Variants in SLC4A5 observed in about 807,000 individuals in gnomAD.
SLC4A5 encodes the protein electrogenic sodium bicarbonate cotransporter 4.
In SLC4A5, 96 loss-of-function variants were observed where a neutral mutation model predicts 120.4. That is an observed-to-expected ratio of 0.80 (90% CI 0.68 to 0.94). The LOEUF is 0.94. Among genes scored for constraint, SLC4A5 ranks in the 40% least tolerant of loss-of-function variants. The pLI, the probability that SLC4A5 is intolerant of heterozygous loss-of-function variation, is 0.00. For missense variants in SLC4A5, 1,259 were observed against 1,459.5 expected (o/e 0.86, Z 2.24); for synonymous variants, 550 against 571.1 (o/e 0.96, Z 0.53).
intron 24 of SLC4A5, among the ~76,000 whole-genome samples, chr2:74,231,988 G>A (rs1253926658): frequency 3.9e-5 from 6 of 152,204 alleles, no homozygotes; most frequent in Non-Finnish European, 5.9e-5. Context: ...ACCATGGGGC[G>A]TGAGAGAAGA....
At chr2:74,299,044 T>G (rs1225829941) in intron 7 of SLC4A5, among the ~76,000 whole-genome samples, 2 of 152,164 alleles carry the variant, frequency 1.3e-5, no homozygotes, top group East Asian at 3.9e-4. Flanking sequence ...GTTTTTCCCA[T>G]GTTCTCATGA....
rs145980299 is a variant in SLC4A5, at chr2:74,243,121, T to G, written c.2060-1069A>C. On this transcript the variant is annotated intron_variant, in intron 19 of 30. Coordinates refer to ENST00000394019, the Ensembl canonical transcript of SLC4A5. ...TCTCAGCGGCTCTCTCTGCATTCCT[T>G]GCTGGGTACTTCCCTACCCTGGCCT... Among the ~76,000 whole-genome samples the G allele has an allele frequency of 6.8e-4, 103 of 152,346 alleles. 1 individual carries two copies. In the East Asian group the frequency reaches 0.018, roughly 26 times the overall value.
chr2:74,236,232 C>T (rs923042955), intron 21 of SLC4A5, among the ~76,000 whole-genome samples: 39 of 152,298 alleles, frequency 2.6e-4, no homozygotes, highest in Middle Eastern at 6.8e-3. Context: ...TTTTCATTTA[C>T]TAATTTAAGG....
chr2:74,280,409 C>CT lies in SLC4A5; in HGVS notation c.401+5363dup, dbSNP rs1451219453. On this transcript the variant is annotated intron_variant, in intron 8 of 30. Transcript: ENST00000394019. ...TTATTTGCCTCAGTGTCCAATTAGA[C>CT]TGAGAGCCCAAGAGAGCAGGGGCAG... 8.5e-5 allele frequency among the ~76,000 whole-genome samples: 13 copies of CT among 152,332 alleles called. No homozygotes were observed. In the East Asian group the frequency reaches 2.1e-3, roughly 25 times the overall value.
chr2:74,340,124 TG>T (rs1174857994), intron 2 of SLC4A5, among the ~76,000 whole-genome samples: 2 of 152,326 alleles, frequency 1.3e-5, no homozygotes, highest in African/African-American at 4.8e-5. Context: ...TGGTGATGGT[TG>T]TATTACAGAA....
At chr2:74,315,449 A>G (rs1474653195) in intron 5 of SLC4A5, among the ~76,000 whole-genome samples, 2 of 76,520 alleles carry the variant, frequency 2.6e-5, no homozygotes, top group African/African-American at 6.8e-4. Flanking sequence ...TACGAAAAGA[A>G]AAAAAAAAAA....
chr2:74,258,686 T>C, intron 12 of SLC4A5, among the ~76,000 whole-genome samples: 1 of 152,172 alleles, frequency 6.6e-6, no homozygotes, highest in South Asian at 2.1e-4. Flanking sequence ...ATGAGTAAAA[T>C]GGGAATGAAA....
At chr2:74,274,181 T>C (rs562885709) in intron 8 of SLC4A5, among the ~76,000 whole-genome samples, 16 of 152,232 alleles carry the variant, frequency 1.1e-4, no homozygotes, top group African/African-American at 3.4e-4. Flanking sequence ...CCTTAGAGGA[T>C]GAGGAGCCTG....
intron 7 of SLC4A5, among the ~76,000 whole-genome samples, chr2:74,292,954 A>G (rs981507566): frequency 6.6e-6 from 1 of 152,058 alleles, no homozygotes; most frequent in Non-Finnish European, 1.5e-5. Context: ...ATGTGTACTC[A>G]ATGCATATTT....
At chr2:74,305,106 C>T (rs1264850819) in intron 6 of SLC4A5, among the ~76,000 whole-genome samples, 1 of 152,166 alleles carries the variant, frequency 6.6e-6, no homozygotes, top group African/African-American at 2.4e-5. Flanking sequence ...CAATCAAGGA[C>T]TACATAGACT....
chr2:74,216,278 A>G (rs1694442298), exon 31 of SLC4A5: 1 of 152,246 alleles, frequency 6.6e-6, no homozygotes, highest in Non-Finnish European at 1.5e-5. Flanking sequence ...AATTACAGTT[A>G]CAAGTGGAAA....
chr2:74,267,261 T>C (rs888187695), intron 8 of SLC4A5, among the ~76,000 whole-genome samples: 2 of 152,158 alleles, frequency 1.3e-5, no homozygotes, highest in Non-Finnish European at 2.9e-5. Flanking sequence ...CAACATTCAG[T>C]GTGCATGCCT....
intron 8 of SLC4A5, among the ~76,000 whole-genome samples, chr2:74,279,200 G>A (rs1358953339): frequency 6.6e-6 from 1 of 152,198 alleles, no homozygotes; most frequent in East Asian, 1.9e-4. Context: ...TGCCCTTCAT[G>A]GACAAGCATC....
At chr2:74,233,601 T>C in intron 22 of SLC4A5, 38 bp from the exon 23 acceptor site, 1 of 1,567,776 alleles carries the variant, frequency 6.4e-7, no homozygotes, top group Non-Finnish European at 8.7e-7. Context: ...CTTTCCTCTC[T>C]CCCTTGTCCC....
intron 19 of SLC4A5, among the ~76,000 whole-genome samples, chr2:74,244,516 T>G (rs1405832346): frequency 6.6e-6 from 1 of 151,424 alleles, no homozygotes; most frequent in Non-Finnish European, 1.5e-5. Context: ...TTCTTTCCCC[T>G]TTCTTTCTCT....
At position 74,271,028 on chromosome 2, in the gene SLC4A5, C is replaced by T. The variant is rs144825963; in HGVS notation, c.402-5764G>A. On this transcript the variant is annotated intron_variant, in intron 8 of 30. Coordinates refer to ENST00000394019, the Ensembl canonical transcript of SLC4A5. ...TCCATTTACAGTACATATTCTACTA[C>T]ACCAGTGTGCCTCAAACTCTAATGT... 1.9e-4 allele frequency among the ~76,000 whole-genome samples: 29 copies of T among 152,330 alleles called. 1 individual carries two copies. In the Middle Eastern group the frequency reaches 0.017, roughly 89 times the overall value.
intron 11 of SLC4A5, among the ~76,000 whole-genome samples, chr2:74,260,302 T>C (rs1671095059): frequency 1.3e-5 from 2 of 152,162 alleles, no homozygotes; most frequent in South Asian, 4.1e-4. Context: ...GCTGCTCCTC[T>C]TGGCTCTCCT....
exon 31 of SLC4A5, chr2:74,218,459 G>T (rs1694511850): frequency 6.6e-6 from 1 of 152,198 alleles, no homozygotes; most frequent in African/African-American, 2.4e-5. Flanking sequence ...ACAAAGGGGA[G>T]AGCTTTGCAT....
chr2:74,265,889 T>C (rs558201236), intron 8 of SLC4A5, among the ~76,000 whole-genome samples: 4 of 151,984 alleles, frequency 2.6e-5, no homozygotes, highest in African/African-American at 9.7e-5. Flanking sequence ...CTAGAAGACT[T>C]GGAATCATGG....
Sources: allele counts gnomAD v4.1 joint callset (sites outside exome capture counted in the v4.1 genomes callset), GRCh38; gene constraint gnomAD v4.1.1; transcripts MANE v1.5; gene names NCBI Gene and HGNC (gene_info 2026-07-23, HGNC 2026-07-21).